Variants in GRID1 observed in about 807,000 individuals in gnomAD.
GRID1 encodes glutamate ionotropic receptor delta type subunit 1, also known as glutamate receptor ionotropic, delta-1.
In GRID1, 28 loss-of-function variants were observed where a neutral mutation model predicts 98.0. The observed-to-expected ratio is 0.29, with a 90% confidence interval of 0.21 to 0.39. The LOEUF is 0.39. GRID1 is among the 10% of genes least tolerant of loss of function. GRID1 has a pLI of 1.00. For synonymous variants in GRID1, 553 were observed against 538.5 expected, an observed-to-expected ratio of 1.03 and a Z score of -0.37; for missense variants, 1,111 against 1,340.5, an observed-to-expected ratio of 0.83 and a Z score of 2.67.
At chr10:85,808,578 A>G (rs1842642762) in intron 8 of GRID1, among the ~76,000 whole-genome samples, 1 of 152,210 alleles carries the variant, frequency 6.6e-6, no homozygotes, top group African/African-American at 2.4e-5. Context: ...CTCGATGAAT[A>G]AATGTCAATG....
At chr10:85,718,080 G>C (rs1389359048) in intron 12 of GRID1, among the ~76,000 whole-genome samples, 2 of 152,198 alleles carry the variant, frequency 1.3e-5, no homozygotes, top group Non-Finnish European at 2.9e-5. Context: ...TTGAGTGTCT[G>C]TGGCTTTTCC....
intron 8 of GRID1, among the ~76,000 whole-genome samples, chr10:85,784,178 G>T (rs1328094969): frequency 6.6e-6 from 1 of 152,190 alleles, no homozygotes; most frequent in African/African-American, 2.4e-5. Flanking sequence ...GAATTATTTT[G>T]AGGGTCTAAA....
chr10:85,637,786 A>C (rs1463105302), intron 13 of GRID1, among the ~76,000 whole-genome samples: 1 of 152,200 alleles, frequency 6.6e-6, no homozygotes, highest in Non-Finnish European at 1.5e-5. Flanking sequence ...TCCTAACATG[A>C]CTATCTTGGA....
intron 3 of GRID1, among the ~76,000 whole-genome samples, chr10:86,196,165 A>C (rs1250139465): frequency 6.6e-6 from 1 of 151,566 alleles, no homozygotes; most frequent in African/African-American, 2.4e-5. Flanking sequence ...TGCCATTCAC[A>C]CCCTGGCATT....
intron 4 of GRID1, among the ~76,000 whole-genome samples, chr10:86,009,384 T>C (rs1842900321): frequency 1.3e-5 from 2 of 152,186 alleles, no homozygotes; most frequent in Non-Finnish European, 2.9e-5. Flanking sequence ...CAGTTTTATT[T>C]ATGCATGAAT....
rs7895885 is a variant in GRID1 at position 86,192,064 on chromosome 10, T to C, written c.520+14300A>G. 6.6e-6 allele frequency among the ~76,000 whole-genome samples: 1 copy of C among 151,818 alleles called. No individual in the cohort carries two copies. The highest frequency in any genetic ancestry group is 2.4e-5 in the African/African-American group (1 of 41,306). On this transcript the variant is annotated intron_variant, in intron 3 of 15. Transcript: ENST00000327946. This position sits in a 1 kb window ranked among gnomAD's most constrained non-coding sequence, Gnocchi z 4.8. Reference sequence around the variant, plus strand: ...TCAGGGGTCTAAGCAGGGCAGTGAGTTAAGGAAGGTGACTTTGGTGGCAGA... The same window carrying C: ...TCAGGGGTCTAAGCAGGGCAGTGAGCTAAGGAAGGTGACTTTGGTGGCAGA...
intron 3 of GRID1, among the ~76,000 whole-genome samples, chr10:86,166,903 C>T (rs180730946): frequency 1.3e-5 from 2 of 152,326 alleles, no homozygotes; most frequent in East Asian, 1.9e-4. Context: ...AGACCAAAGT[C>T]CCAAATCTCA....
intron 2 of GRID1, among the ~76,000 whole-genome samples, chr10:86,267,815 C>T (rs533142026): frequency 2.0e-5 from 3 of 152,230 alleles, no homozygotes; most frequent in Non-Finnish European, 4.4e-5. Context: ...AGGCCACTAG[C>T]CTGCACCCAG....
chr10:86,352,527 C>A (rs958073606), intron 2 of GRID1, among the ~76,000 whole-genome samples: 2 of 136,874 alleles, frequency 1.5e-5, no homozygotes, highest in Non-Finnish European at 3.0e-5. Flanking sequence ...TGCCTTCTTG[C>A]TGCATCCTCA....
chr10:85,913,091 G>C (rs1036657511), intron 5 of GRID1, among the ~76,000 whole-genome samples: 24 of 152,136 alleles, frequency 1.6e-4, no homozygotes, highest in African/African-American at 5.8e-4. Context: ...GGGTGCCTGG[G>C]TGAAAGCTTT....
intron 2 of GRID1, among the ~76,000 whole-genome samples, chr10:86,288,628 T>C (rs992724512): frequency 1.3e-5 from 2 of 152,192 alleles, no homozygotes; most frequent in African/African-American, 4.8e-5. Flanking sequence ...TTAGTTATGT[T>C]GGAGCCTCCT....
At chr10:85,653,915 TA>T (rs977008880) in intron 12 of GRID1, among the ~76,000 whole-genome samples, 1 of 151,798 alleles carries the variant, frequency 6.6e-6, no homozygotes, top group African/African-American at 2.4e-5. Context: ...ATGCCCTTTT[TA>T]AAAAAAATAA....
intron 8 of GRID1, among the ~76,000 whole-genome samples, chr10:85,834,131 CAAG>C (rs147645024): frequency 9.2e-5 from 14 of 152,236 alleles, no homozygotes; most frequent in Non-Finnish European, 1.9e-4. Context: ...CCTGGAAATT[CAAG>C]AAGAATTCAA....
At chr10:86,177,077 C>T (rs1284358957) in intron 3 of GRID1, among the ~76,000 whole-genome samples, 1 of 151,832 alleles carries the variant, frequency 6.6e-6, no homozygotes, top group Non-Finnish European at 1.5e-5. Flanking sequence ...TTCGCCCCCA[C>T]CCCCTACAGC....
chr10:85,900,486 T>A (rs1422398708), intron 5 of GRID1, among the ~76,000 whole-genome samples: 2 of 152,226 alleles, frequency 1.3e-5, no homozygotes, highest in Non-Finnish European at 2.9e-5. Context: ...AAAGCTATTT[T>A]TAAAACTCCC....
At chr10:85,947,961 A>G (rs1842073832) in intron 4 of GRID1, among the ~76,000 whole-genome samples, 1 of 152,248 alleles carries the variant, frequency 6.6e-6, no homozygotes, top group Admixed American at 6.5e-5. Flanking sequence ...AGCTGAGGAA[A>G]TTTTTGAAAA....
rs1435119975 is a variant in GRID1 at position 86,113,497 on chromosome 10, G to A, written c.726+25322C>T. The stretch of plus-strand genomic sequence containing the variant: ...GAAAAGTCAGAGTGGTCACATAGCC[G>A]AAAGTAGCCCCAGTCATGTCTCATT... On this transcript the variant is annotated intron_variant, in intron 4 of 15. Coordinates refer to ENST00000327946, the MANE Select transcript of GRID1 (RefSeq NM_017551.3). 2.6e-5 allele frequency among the ~76,000 whole-genome samples: 4 copies of A among 152,354 alleles called. No individual in the cohort carries two copies. In the South Asian group the frequency reaches 8.3e-4, roughly 32 times the overall value.
chr10:85,781,691 C>T (rs1198620281), intron 8 of GRID1, among the ~76,000 whole-genome samples: 1 of 152,020 alleles, frequency 6.6e-6, no homozygotes, highest in African/African-American at 2.4e-5. Context: ...GCATCTACTA[C>T]ATGGCTGGCC....
chr10:85,934,599 C>T (rs529046359), intron 4 of GRID1, among the ~76,000 whole-genome samples: 1 of 152,310 alleles, frequency 6.6e-6, no homozygotes, highest in Admixed American at 6.5e-5. Context: ...AACAAAACCA[C>T]TTTACACATC....
Sources: allele counts gnomAD v4.1 joint callset (sites outside exome capture counted in the v4.1 genomes callset), GRCh38; gene constraint gnomAD v4.1.1; non-coding constraint Gnocchi (gnomAD v3.1); transcripts MANE v1.5; gene names NCBI Gene and HGNC (gene_info 2026-07-23, HGNC 2026-07-21).